Variants in GAPDH observed in about 807,000 individuals in gnomAD.
The protein encoded by GAPDH is OCAS, p38 component.
In GAPDH, 13 loss-of-function variants were observed where a neutral mutation model predicts 31.2. The ratio of observed to expected loss-of-function variants is 0.42; its 90% confidence interval spans 0.27 to 0.66. The LOEUF is 0.66. Ranked by LOEUF, GAPDH falls within the 30% of genes least tolerant of loss-of-function variation. The probability of loss-of-function intolerance (pLI) is 0.26; values close to 1 mark genes in which losing one functional copy is unlikely to be tolerated. For synonymous variants in GAPDH, 211 were observed against 166.9 expected, an observed-to-expected ratio of 1.26 and a Z score of -2.04; for missense variants, 300 against 443.7, an observed-to-expected ratio of 0.68 and a Z score of 2.91.
chr12:6,537,261 T>G lies in GAPDH; in HGVS notation c.443+45T>G, dbSNP rs1033890711. 6.3e-7 allele frequency: 1 copy of G among 1,596,708 alleles called. No homozygotes were observed. The highest frequency in any genetic ancestry group is 1.3e-5 in the African/African-American group (1 of 74,862). ...TGGAGAAGCGGCCAGCCTGGCACCC[T>G]ATGGACACGCTCCCCTGACTTGCGC... is the stretch of plus-strand genomic sequence containing the variant. On this transcript the variant is annotated intron_variant, in intron 6 of 8. Coordinates refer to ENST00000229239, the MANE Select transcript of GAPDH (RefSeq NM_002046.7). This position sits in a 1 kb window ranked among gnomAD's most constrained non-coding sequence, Gnocchi z 4.9.
Position 6,537,231 on chromosome 12 carries a change from G to T in GAPDH, c.443+15G>T. 1 of 1,598,134 alleles carries T rather than the reference G, an allele frequency of 6.3e-7. No individual in the cohort carries two copies. On this transcript the variant is annotated intron_variant, in intron 6 of 8. Coordinates refer to ENST00000229239, the MANE Select transcript of GAPDH (RefSeq NM_002046.7). This position sits in a 1 kb window ranked among gnomAD's most constrained non-coding sequence, Gnocchi z 4.9. Reference sequence around the variant, plus strand: ...AAGATCATCAGGTGAGGAAGGCAGGGCCCGTGGAGAAGCGGCCAGCCTGGC... The same window carrying T: ...AAGATCATCAGGTGAGGAAGGCAGGTCCCGTGGAGAAGCGGCCAGCCTGGC...
Position 6,537,058 on chromosome 12 carries a change from A to G in GAPDH, c.328-43A>G, listed in dbSNP as rs1344129079. The G allele has an allele frequency of 5.6e-6, 9 of 1,607,138 alleles. No individual in the cohort carries two copies. Among genetic ancestry groups the G allele is most frequent in the South Asian group, 1.1e-5 (1 of 89,428 alleles). On this transcript the variant is annotated intron_variant, in intron 5 of 8. Transcript: ENST00000229239. This position sits in a 1 kb window ranked among gnomAD's most constrained non-coding sequence, Gnocchi z 4.9. ...GAGGGGAAGCTGACTCAGCCCTGCA[A>G]AGGCAGGACCCGGGTTCATAACTGT... is the stretch of plus-strand genomic sequence containing the variant.
intron 2 of GAPDH, chr12:6,535,332 GT>G: frequency 1.0e-6 from 1 of 994,898 alleles, no homozygotes; most frequent in Non-Finnish European, 1.2e-6. Context: ...ATGGGCAGCC[GT>G]TAGGAAAGCC....
chr12:6,534,705 G>T (rs1231586454), intron 1 of GAPDH, 105 bp from the exon 2 acceptor site: 2 of 999,356 alleles, frequency 2.0e-6, no homozygotes, highest in Middle Eastern at 3.0e-4. Flanking sequence ...GGCGGAGGAC[G>T]TGATGCGGCG....
At chr12:6,536,462 C>A (rs375375990) in intron 2 of GAPDH, 32 bp from the exon 3 acceptor site, 11 of 1,531,348 alleles carry the variant, frequency 7.2e-6, no homozygotes, top group Non-Finnish European at 1.0e-5. Flanking sequence ...GGAGCCTCCC[C>A]TCCTCATGCC....
At position 6,538,043 on chromosome 12, in the gene GAPDH, G is replaced by C. The variant is rs369473928; in HGVS notation, c.938+47G>C. ...CTGGCTCTTAAAAAGTGCAGGGTCT[G>C]GCGCCCTCTGGTGGCTGGCTCAGAA... On this transcript the variant is annotated intron_variant, in intron 8 of 8. Transcript: ENST00000229239. 24 of 1,597,710 alleles carry C rather than the reference G, an allele frequency of 1.5e-5. No individual in the cohort carries two copies. In the African/African-American group the frequency reaches 2.5e-4, roughly 17 times the overall value.
chr12:6,535,221 C>T (rs1012049836), intron 2 of GAPDH: 1 of 1,093,698 alleles, frequency 9.1e-7, no homozygotes, highest in Non-Finnish European at 1.1e-6. Context: ...CGGCCTCCGG[C>T]ACCGCAGGCC....
In GAPDH at chr12:6,537,595, T is replaced by C; in HGVS notation, c.537T>C (p.His179=). 2.5e-6 allele frequency: 4 copies of C among 1,611,804 alleles called. No homozygotes were observed. Among genetic ancestry groups the C allele is most frequent in the Admixed American group, 1.7e-5 (1 of 59,998 alleles). Residue 179 remains histidine (H), a synonymous_variant, in exon 8 of 9, where the codon CAT becomes CAC. Transcript: ENST00000229239. The surrounding 1 kb of genome is among the most constrained non-coding windows in gnomAD (Gnocchi z 4.9). ...CACTCCTTTTGCAGACCACAGTCCA[T>C]GCCATCACTGCCACCCAGAAGACTG... ...GIVEGLMTTV[H]AITATQKTVD...
intron 2 of GAPDH, chr12:6,535,407 G>A (rs1007682388): frequency 1.0e-6 from 1 of 989,020 alleles, no homozygotes; most frequent in African/African-American, 1.7e-5. Context: ...GGGAAGTCAG[G>A]TGGAGCGAGG....
chr12:6,534,668 CCGGGCGGCCTCCGCATTGCAGGGG>C (rs1278043141), intron 1 of GAPDH, 99 bp downstream of exon 1: 1 of 767,438 alleles, frequency 1.3e-6, no homozygotes, highest in Non-Finnish European at 2.2e-6. Context: ...CGGGGTGGGC[CCGGGCGGCCTCCGCATTGCAGGGG>C]CGGGCGGAGG....
At chr12:6,535,232 C>T (rs1946437457) in intron 2 of GAPDH, 2 of 1,087,378 alleles carry the variant, frequency 1.8e-6, no homozygotes, top group Non-Finnish European at 1.1e-6. Context: ...ACCGCAGGCC[C>T]CGGGATGCTA....
chr12:6,536,470 G>T lies in GAPDH; in HGVS notation c.30-24G>T, dbSNP rs199504104. On this transcript the variant is annotated intron_variant, in intron 2 of 8. Transcript: ENST00000229239. ...TTCTGGAGGAGCCTCCCCTCCTCATGCCTTCTTGCCTCTTGTCTCTTAGAT... is the reference window on the plus strand; with the variant it reads ...TTCTGGAGGAGCCTCCCCTCCTCATTCCTTCTTGCCTCTTGTCTCTTAGAT... The T allele has an allele frequency of 2.1e-4, 338 of 1,572,386 alleles. No individual in the cohort carries two copies. In the African/African-American group the frequency reaches 4.1e-3, roughly 19 times the overall value.
chr12:6,536,357 T>C (rs1946464582), intron 2 of GAPDH, 137 bp from the exon 3 acceptor site: 2 of 676,918 alleles, frequency 3.0e-6, no homozygotes, highest in African/African-American at 1.8e-5. Context: ...TCAAGGGAGA[T>C]AAAATTCAAC....
In GAPDH at chr12:6,537,068, C is replaced by A; in HGVS notation, c.328-33C>A. Reference sequence around the variant, plus strand: ...TGACTCAGCCCTGCAAAGGCAGGACCCGGGTTCATAACTGTCTGCTTCTCT... The same window carrying A: ...TGACTCAGCCCTGCAAAGGCAGGACACGGGTTCATAACTGTCTGCTTCTCT... On this transcript the variant is annotated intron_variant, in intron 5 of 8. Coordinates refer to ENST00000229239, the MANE Select transcript of GAPDH (RefSeq NM_002046.7). The surrounding 1 kb of genome is among the most constrained non-coding windows in gnomAD (Gnocchi z 4.9). The A allele has an allele frequency of 6.2e-7, 1 of 1,608,136 alleles. No individual in the cohort carries two copies. Among genetic ancestry groups the A allele is most frequent in the Non-Finnish European group, 8.5e-7 (1 of 1,177,108 alleles).
chr12:6,534,684 T>C (rs1044781887), intron 1 of GAPDH, 115 bp downstream of exon 1: 1 of 874,504 alleles, frequency 1.1e-6, no homozygotes, highest in African/African-American at 1.7e-5. Flanking sequence ...GGCCTCCGCA[T>C]TGCAGGGGCG....
chr12:6,536,912 C>A lies in GAPDH; in HGVS notation c.237-8C>A. On this transcript the variant is annotated splice_polypyrimidine_tract_variant and splice_region_variant and intron_variant, in intron 4 of 8. Coordinates refer to ENST00000229239, the MANE Select transcript of GAPDH (RefSeq NM_002046.7). Reference sequence around the variant, plus strand: ...GGTCCTGTCCCCATCTCCCCCCCACCCCCATAGGCGAGATCCCTCCAAAAT... The same window carrying A: ...GGTCCTGTCCCCATCTCCCCCCCACACCCATAGGCGAGATCCCTCCAAAAT... 1 of 1,611,122 alleles carries A rather than the reference C, an allele frequency of 6.2e-7. No homozygotes were observed. The highest frequency in any genetic ancestry group is 8.5e-7 in the Non-Finnish European group (1 of 1,177,690).
chr12:6,534,669 C>T (rs1166202833), intron 1 of GAPDH, 100 bp downstream of exon 1: 9 of 769,476 alleles, frequency 1.2e-5, no homozygotes, highest in African/African-American at 7.1e-5. Flanking sequence ...GGGGTGGGCC[C>T]GGGCGGCCTC....
chr12:6,534,544 A>C lies in GAPDH; in HGVS notation c.-49A>C, dbSNP rs939358816. 17 of 504,018 alleles carry C rather than the reference A, an allele frequency of 3.4e-5. No individual in the cohort carries two copies. Among genetic ancestry groups the C allele is most frequent in the Non-Finnish European group, 5.7e-5 (16 of 280,634 alleles). The allele number at this position is 504,018 out of a possible 1,614,324, so 31.2% of individuals were successfully genotyped here. On this transcript the variant is annotated 5_prime_UTR_variant, in exon 1 of 9. Coordinates refer to ENST00000229239, the MANE Select transcript of GAPDH (RefSeq NM_002046.7). ...TCTCTGCTCCTCCTGTTCGACAGTCAGCCGCATCTTCTTTTGCGTCGCCAG... is the reference window on the plus strand; with the variant it reads ...TCTCTGCTCCTCCTGTTCGACAGTCCGCCGCATCTTCTTTTGCGTCGCCAG...
rs1324497553 is a variant in GAPDH, at chr12:6,536,535, A to T, written c.71A>T (p.Asn24Ile). The change falls in exon 3 of 9, where the codon AAC becomes ATC. Residue 24 changes from asparagine to isoleucine, a missense_variant. Asn to Ile is a moderately radical substitution (Grantham distance 149). Coordinates refer to ENST00000229239, the MANE Select transcript of GAPDH (RefSeq NM_002046.7). ...IGRLVTRAAF[N>I]SGKVDIVAIN... is the part of the protein sequence containing the mutation. ...CGCCTGGTCACCAGGGCTGCTTTTA[A>T]CTCTGGTAAAGTGGATATTGTTGCC... The T allele has an allele frequency of 6.2e-7, 1 of 1,613,506 alleles. No individual in the cohort carries two copies. Among genetic ancestry groups the T allele is most frequent in the African/African-American group, 1.3e-5 (1 of 74,826 alleles).
Sources: gnomAD v4.1 joint callset for allele counts on GRCh38, gnomAD v4.1.1 for gene constraint, Gnocchi (gnomAD v3.1) non-coding constraint, MANE v1.5 for transcripts, NCBI Gene and HGNC (gene_info 2026-07-23, HGNC 2026-07-21) for gene names.